Variants in FHAD1 observed in about 807,000 individuals in gnomAD.
FHAD1 encodes forkhead associated phosphopeptide binding domain 1, also known as forkhead-associated domain-containing protein 1.
FHAD1 carries 146 observed loss-of-function variants against 191.3 expected under a neutral mutation model. The ratio of observed to expected loss-of-function variants is 0.76; its 90% CI spans 0.67 to 0.88. The LOEUF is 0.88. Among genes scored for constraint, FHAD1 ranks in the 40% least tolerant of loss-of-function variants. The pLI, the probability that FHAD1 is intolerant of heterozygous loss-of-function variation, is 0.00. For missense variants in FHAD1, 1,635 were observed against 1,785.8 expected (o/e 0.92, Z 1.52); for synonymous variants, 616 against 672.3 (o/e 0.92, Z 1.29).
chr1:15,358,341 C>A, intron 21 of FHAD1, 58 bp downstream of exon 21: 1 of 1,472,798 alleles, frequency 6.8e-7, no homozygotes, highest in South Asian at 1.3e-5. Flanking sequence ...GATTACAGTG[C>A]CACGAGAATG....
intron 31 of FHAD1, among the ~76,000 whole-genome samples, chr1:15,384,979 A>C (rs6689592): frequency 1.3e-5 from 2 of 150,588 alleles, no homozygotes; most frequent in Admixed American, 6.6e-5. Flanking sequence ...CAGCCCATCC[A>C]CTCATCCCCC....
chr1:15,271,149 A>G (rs1442069914), intron 2 of FHAD1, among the ~76,000 whole-genome samples: 4 of 145,552 alleles, frequency 2.7e-5, no homozygotes, highest in African/African-American at 1.0e-4. Context: ...GGAAAAAAAA[A>G]AAAAAAAAAA....
intron 14 of FHAD1, among the ~76,000 whole-genome samples, chr1:15,338,378 C>T (rs1445086884): frequency 1.3e-5 from 2 of 152,290 alleles, no homozygotes; most frequent in East Asian, 1.9e-4. Flanking sequence ...TCAAAGCCAG[C>T]GATGTGGCAT....
intron 16 of FHAD1, among the ~76,000 whole-genome samples, chr1:15,344,120 G>A (rs941561448): frequency 5.3e-5 from 8 of 152,174 alleles, no homozygotes; most frequent in African/African-American, 1.2e-4. Context: ...TGTGACACTC[G>A]AAGGTCGCCC....
intron 24 of FHAD1, among the ~76,000 whole-genome samples, chr1:15,366,152 G>C (rs1696367974): frequency 6.6e-6 from 1 of 152,060 alleles, no homozygotes; most frequent in Non-Finnish European, 1.5e-5. Context: ...TGGGTGTGGT[G>C]GTGGGCACCT....
intron 1 of FHAD1, among the ~76,000 whole-genome samples, chr1:15,239,165 C>T (rs555129320): frequency 2.0e-5 from 3 of 152,168 alleles, no homozygotes; most frequent in Non-Finnish European, 4.4e-5. Context: ...CCTCAGCCTC[C>T]CAAAGTGCTG....
chr1:15,266,161 G>A (rs1653394417), intron 2 of FHAD1, among the ~76,000 whole-genome samples: 2 of 152,126 alleles, frequency 1.3e-5, no homozygotes, highest in African/African-American at 4.8e-5. Flanking sequence ...CCAGGCTGGA[G>A]TGTGGTGGTG....
chr1:15,370,750 T>C (rs1370314333), intron 26 of FHAD1, among the ~76,000 whole-genome samples: 1 of 152,180 alleles, frequency 6.6e-6, no homozygotes, highest in African/African-American at 2.4e-5. Flanking sequence ...CAGCATGCAA[T>C]GGTGAGACTC....
At chr1:15,283,933 A>G (rs1040451531) in intron 3 of FHAD1, among the ~76,000 whole-genome samples, 3 of 152,226 alleles carry the variant, frequency 2.0e-5, no homozygotes, top group Non-Finnish European at 4.4e-5. Context: ...AGTGCAAATC[A>G]TGACTTCAAA....
chr1:15,380,416 C>A (rs925097677), intron 28 of FHAD1, among the ~76,000 whole-genome samples: 2 of 152,142 alleles, frequency 1.3e-5, no homozygotes, highest in African/African-American at 2.4e-5. Flanking sequence ...GACAAAACCA[C>A]CCCAATTGAG....
At chr1:15,328,482 G>A (rs1047811824) in intron 13 of FHAD1, 53 bp downstream of exon 13, 57 of 1,322,906 alleles carry the variant, frequency 4.3e-5, no homozygotes, top group Non-Finnish European at 5.5e-5. Flanking sequence ...ATTTTTGTGC[G>A]GCTTATTTGG....
At chr1:15,307,778 T>G (rs1411080406) in intron 6 of FHAD1, among the ~76,000 whole-genome samples, 7 of 152,022 alleles carry the variant, frequency 4.6e-5, no homozygotes, top group Non-Finnish European at 8.8e-5. Context: ...TCACCCAGGT[T>G]GTAGTGCAGT....
intron 3 of FHAD1, among the ~76,000 whole-genome samples, chr1:15,284,340 A>C (rs1361091295): frequency 6.6e-6 from 1 of 152,070 alleles, no homozygotes; most frequent in African/African-American, 2.4e-5. Context: ...TTAGCCGGGC[A>C]TGGTGGTGGG....
At chr1:15,382,545 G>A (rs1028380815) in intron 31 of FHAD1, among the ~76,000 whole-genome samples, 4 of 152,158 alleles carry the variant, frequency 2.6e-5, no homozygotes, top group Non-Finnish European at 4.4e-5. Flanking sequence ...CCTGGCACGC[G>A]GTAGACACCC....
Position 15,365,901 on chromosome 1 carries a change from C to G in FHAD1, c.3122C>G (p.Thr1041Ser). The G allele has an allele frequency of 1.9e-6, 3 of 1,551,504 alleles. No homozygotes were observed. Among genetic ancestry groups the G allele is most frequent in the Non-Finnish European group, 2.6e-6 (3 of 1,146,852 alleles). Reference sequence around the variant, plus strand: ...ATCATGAAGTTAAGGAAAGACCTTACCGAAGCCCACAGCAGAATGTCGGAT... The same window carrying G: ...ATCATGAAGTTAAGGAAAGACCTTAGCGAAGCCCACAGCAGAATGTCGGAT... Reference protein sequence around the residue: ...EVIMKLRKDLTEAHSRMSDLR... With the variant: ...EVIMKLRKDLSEAHSRMSDLR... Residue 1041 changes from threonine (T) to serine (S), a missense_variant, in exon 24 of 34, where the codon ACC (threonine) becomes AGC (serine). By Grantham distance (58) the Thr-to-Ser change is moderately conservative. Coordinates refer to ENST00000688493, the MANE Select transcript of FHAD1 (RefSeq NM_001391957.1).
chr1:15,303,913 T>C (rs1669617993), intron 6 of FHAD1, among the ~76,000 whole-genome samples: 1 of 152,128 alleles, frequency 6.6e-6, no homozygotes, highest in South Asian at 2.1e-4. Flanking sequence ...CCCCCCACTT[T>C]GATCTTGGCT....
chr1:15,365,774 A>G, intron 23 of FHAD1, 53 bp from the exon 24 acceptor site: 1 of 1,147,382 alleles, frequency 8.7e-7, no homozygotes, highest in Non-Finnish European at 1.3e-6. Context: ...GACACTCAGG[A>G]GATAACATGG....
At chr1:15,241,600 A>G (rs760310088) in intron 1 of FHAD1, among the ~76,000 whole-genome samples, 26 of 152,172 alleles carry the variant, frequency 1.7e-4, no homozygotes, top group Non-Finnish European at 3.4e-4. Flanking sequence ...CAGTGAGATC[A>G]TATCATGGCA....
chr1:15,274,561 G>A (rs1475097153), intron 3 of FHAD1, among the ~76,000 whole-genome samples: 1 of 151,572 alleles, frequency 6.6e-6, no homozygotes. Context: ...GCCGTGAGCC[G>A]AGATCATGCC....
Sources: allele counts gnomAD v4.1 joint callset (sites outside exome capture counted in the v4.1 genomes callset), GRCh38; gene constraint gnomAD v4.1.1; transcripts MANE v1.5; gene names NCBI Gene and HGNC (gene_info 2026-07-23, HGNC 2026-07-21).